The following KIF3C variants were observed in gnomAD, a reference collection of about 807,000 sequenced individuals.
KIF3C encodes kinesin-like protein KIF3C.
In KIF3C, 12 loss-of-function variants were observed where a neutral mutation model predicts 67.7. That is an observed-to-expected ratio of 0.18 (90% CI 0.11 to 0.29). KIF3C has a LOEUF of 0.29. Ranked by LOEUF, KIF3C falls within the 10% of genes least tolerant of loss-of-function variation. KIF3C has a pLI of 1.00. For missense variants in KIF3C, 789 were observed against 1,059.6 expected, an observed-to-expected ratio of 0.74 and a Z score of 3.55; for synonymous variants, 393 against 426.2, an observed-to-expected ratio of 0.92 and a Z score of 0.96.
At chr2:25,954,240 C>T in intron 4 of KIF3C, 27 bp downstream of exon 4, 1 of 1,550,400 alleles carries the variant, frequency 6.4e-7, no homozygotes, top group East Asian at 2.2e-5. Context: ...TGTGGGGACC[C>T]GGGATGAAAA....
chr2:25,934,847 G>T (rs943974127), intron 5 of KIF3C, among the ~76,000 whole-genome samples: 1 of 151,928 alleles, frequency 6.6e-6, no homozygotes, highest in Admixed American at 6.6e-5. Context: ...ATCATCTGAG[G>T]CCAGGAGTCT....
intron 5 of KIF3C, among the ~76,000 whole-genome samples, chr2:25,947,779 T>A (rs1206942903): frequency 6.6e-6 from 1 of 152,202 alleles, no homozygotes; most frequent in Non-Finnish European, 1.5e-5. Context: ...TAGTAAACAC[T>A]ACTACTAGCT....
chr2:25,933,217 C>T (rs1051062142), intron 5 of KIF3C, among the ~76,000 whole-genome samples: 6 of 151,698 alleles, frequency 4.0e-5, no homozygotes, highest in African/African-American at 1.5e-4. Flanking sequence ...CGCCATTGCA[C>T]TCTAGCCTGG....
At chr2:25,972,470 C>T (rs181314885) in intron 1 of KIF3C, among the ~76,000 whole-genome samples, 3 of 152,322 alleles carry the variant, frequency 2.0e-5, no homozygotes, top group Admixed American at 6.5e-5. Context: ...CAAGACACTG[C>T]TCTCACCAAC....
Position 25,982,394 on chromosome 2 carries a change from T to C in KIF3C, c.-477A>G, listed in dbSNP as rs1367228133. ...CCCGAGGGCAGAGGCTCACCTGGAG[T>C]CCTCCCCCCAAGCTGGGGGATCATT... On this transcript the variant is annotated 5_prime_UTR_variant, in exon 1 of 8. Coordinates refer to ENST00000264712, the MANE Select transcript of KIF3C (RefSeq NM_002254.8). 1 of 398,266 alleles carries C rather than the reference T, an allele frequency of 2.5e-6. No homozygotes were observed. Among genetic ancestry groups the C allele is most frequent in the Non-Finnish European group, 4.4e-6 (1 of 226,044 alleles). The allele number at this position is 398,266 out of a possible 1,614,324, so 24.7% of individuals were successfully genotyped here.
intron 5 of KIF3C, among the ~76,000 whole-genome samples, chr2:25,933,815 A>C (rs1196988365): frequency 6.6e-6 from 1 of 152,206 alleles, no homozygotes; most frequent in Non-Finnish European, 1.5e-5. Context: ...GAATGTAAAA[A>C]AAAAAGTTAA....
At chr2:25,942,872 G>A (rs71441003) in intron 5 of KIF3C, among the ~76,000 whole-genome samples, 4,545 of 152,232 alleles carry the variant, frequency 0.03, 87 homozygotes, top group South Asian at 0.048. Context: ...TATTTCTCAA[G>A]AGCTGCCTGA....
chr2:25,938,671 G>A (rs560293045), intron 5 of KIF3C, among the ~76,000 whole-genome samples: 2 of 152,218 alleles, frequency 1.3e-5, no homozygotes, highest in South Asian at 2.1e-4. Flanking sequence ...CCTTCCCATC[G>A]GCTCCCTCTT....
chr2:25,981,205 C>T lies in KIF3C; in HGVS notation c.713G>A (p.Arg238Gln), dbSNP rs1186222505. The change falls in exon 1 of 8, where the codon CGA (arginine) becomes CAA (glutamine). Residue 238 changes from arginine to glutamine, a missense_variant. By Grantham distance (43) the Arg-to-Gln change is conservative. Around this residue, in one of 2 missense-constraint regions of KIF3C, gnomAD observed 648 missense variants for 807.8 expected, o/e 0.80. Transcript: ENST00000264712. The surrounding 1 kb of genome is among the most constrained non-coding windows in gnomAD (Gnocchi z 8.2). ...GTCCACGAGGTTGAGCTTGCCCACT[C>T]GGATGTGGTCCTGGCCATCAGAGCC... ...ERGSDGQDHIRVGKLNLVDLA... is the reference protein window; with the variant it reads ...ERGSDGQDHIQVGKLNLVDLA... 7 of 1,613,932 alleles carry T rather than the reference C, an allele frequency of 4.3e-6. No individual in the cohort carries two copies. Among genetic ancestry groups the T allele is most frequent in the African/African-American group, 1.3e-5 (1 of 74,910 alleles).
chr2:25,952,975 A>G (rs1242259502), intron 4 of KIF3C, among the ~76,000 whole-genome samples: 1 of 152,186 alleles, frequency 6.6e-6, no homozygotes, highest in African/African-American at 2.4e-5. Flanking sequence ...CCTGTATCAA[A>G]ACATCTCATG....
At chr2:25,977,276 A>G (rs993161248) in intron 1 of KIF3C, among the ~76,000 whole-genome samples, 9 of 152,146 alleles carry the variant, frequency 5.9e-5, no homozygotes, top group Middle Eastern at 6.3e-3. Context: ...AGCTGGCGAG[A>G]CAGACTATGA....
chr2:25,930,206 A>G, intron 5 of KIF3C, 143 bp from the exon 6 acceptor site: 1 of 652,710 alleles, frequency 1.5e-6, no homozygotes, highest in Non-Finnish European at 2.7e-6. Context: ...GCTCTAATAC[A>G]GCTTGACAAC....
intron 1 of KIF3C, among the ~76,000 whole-genome samples, chr2:25,971,365 G>A (rs557427661): frequency 2.0e-5 from 3 of 151,780 alleles, no homozygotes; most frequent in East Asian, 3.9e-4. Context: ...GCTTGAACCC[G>A]GGAGGCAGAG....
rs1228801554 is a variant in KIF3C at position 25,955,883 on chromosome 2, A to T, written c.1648-220T>A. Among the ~76,000 whole-genome samples the T allele has an allele frequency of 1.3e-5, 2 of 151,802 alleles. No individual in the cohort carries two copies. The highest frequency in any genetic ancestry group is 2.9e-5 in the Non-Finnish European group (2 of 67,982). ...GCCAGGCTCTGCCCCATGTGGATGG[A>T]GACCCCAGCCCCTAAGAGCTGGCCT... On this transcript the variant is annotated intron_variant, in intron 2 of 7. Coordinates refer to ENST00000264712, the MANE Select transcript of KIF3C (RefSeq NM_002254.8). The surrounding 1 kb of genome is among the most constrained non-coding windows in gnomAD (Gnocchi z 5.0).
chr2:25,955,452 A>G lies in KIF3C; in HGVS notation c.1770+89T>C. ...TCAGGGGTTCAGCAGTTCCAGCCAA[A>G]TGGGGAGGAGTCCCTGAAGCACACA... On this transcript the variant is annotated intron_variant, in intron 3 of 7. Coordinates refer to ENST00000264712, the MANE Select transcript of KIF3C (RefSeq NM_002254.8). The surrounding 1 kb of genome is among the most constrained non-coding windows in gnomAD (Gnocchi z 5.0). 6.6e-7 allele frequency: 1 copy of G among 1,504,470 alleles called. No individual in the cohort carries two copies. The allele number at this position is 1,504,470 out of a possible 1,614,324, so 93.2% of individuals were successfully genotyped here.
At chr2:25,929,809 G>GT in intron 6 of KIF3C, 146 bp downstream of exon 6, 4 of 631,682 alleles carry the variant, frequency 6.3e-6, no homozygotes, top group East Asian at 2.7e-5. Flanking sequence ...AGAGACAGGG[G>GT]TTCACCATGT....
intron 5 of KIF3C, among the ~76,000 whole-genome samples, chr2:25,943,097 T>C (rs1663338965): frequency 6.6e-6 from 1 of 152,250 alleles, no homozygotes; most frequent in African/African-American, 2.4e-5. Context: ...AAGCAAAATA[T>C]TCCACACTTG....
chr2:25,930,844 C>A (rs1209592135), intron 5 of KIF3C, among the ~76,000 whole-genome samples: 1 of 151,834 alleles, frequency 6.6e-6, no homozygotes, highest in Non-Finnish European at 1.5e-5. Context: ...TGGCCTAACA[C>A]CCGGCTAATT....
Position 25,954,394 on chromosome 2 carries a change from G to T in KIF3C, c.1771-9C>A. The T allele has an allele frequency of 6.2e-7, 1 of 1,606,762 alleles. No homozygotes were observed. Among genetic ancestry groups the T allele is most frequent in the South Asian group, 1.1e-5 (1 of 90,908 alleles). On this transcript the variant is annotated splice_polypyrimidine_tract_variant and intron_variant, in intron 3 of 7. Coordinates refer to ENST00000264712, the MANE Select transcript of KIF3C (RefSeq NM_002254.8). ...TGCAGCTTGGCGTAGAGCTGGGTGGGGACAGGTGCCACTCAGAGGCTGCTT... is the reference window on the plus strand; with the variant it reads ...TGCAGCTTGGCGTAGAGCTGGGTGGTGACAGGTGCCACTCAGAGGCTGCTT...
Sources: allele counts gnomAD v4.1 joint callset (sites outside exome capture counted in the v4.1 genomes callset), GRCh38; gene constraint gnomAD v4.1.1; regional missense constraint gnomAD v4.1.1; non-coding constraint Gnocchi (gnomAD v3.1); transcripts MANE v1.5; gene names NCBI Gene and HGNC (gene_info 2026-07-23, HGNC 2026-07-21).